The following SLC7A11 variants were observed in gnomAD, a reference collection of about 807,000 sequenced individuals.
SLC7A11 encodes cystine/glutamate transporter.
SLC7A11 carries 35 observed loss-of-function variants against 54.5 expected under a neutral mutation model. The ratio of observed to expected loss-of-function variants is 0.64; its 90% confidence interval spans 0.49 to 0.85. The LOEUF is 0.85. Among genes scored for constraint, SLC7A11 ranks in the 40% least tolerant of loss-of-function variants. The pLI, the probability that SLC7A11 is intolerant of heterozygous loss-of-function variation, is 0.00. For missense variants in SLC7A11, 583 were observed against 618.1 expected (o/e 0.94, Z 0.60); for synonymous variants, 230 against 225.2 (o/e 1.02, Z -0.19).
In SLC7A11 at chr4:138,179,980, A is replaced by G. The variant is rs77805880; in HGVS notation, c.1267-586T>C. Among the ~76,000 whole-genome samples the G allele has an allele frequency of 3.5e-3, 540 of 152,268 alleles. 1 individual carries two copies. The highest frequency in any genetic ancestry group is 0.012 in the African/African-American group (511 of 41,556). On this transcript the variant is annotated intron_variant, in intron 10 of 11. Transcript: ENST00000280612. ...CATGACTGACAACCTTATCTATGCC[A>G]TTTCTTAAAAACAAATAAATCGTGA...
intron 2 of SLC7A11, among the ~76,000 whole-genome samples, chr4:138,232,789 G>A (rs890370829): frequency 2.4e-4 from 37 of 152,138 alleles, no homozygotes; most frequent in African/African-American, 8.7e-4. Context: ...AATGTGTCAG[G>A]GCATAGTCAA....
intron 5 of SLC7A11, among the ~76,000 whole-genome samples, chr4:138,218,149 G>A (rs1235543514): frequency 6.6e-6 from 1 of 151,986 alleles, no homozygotes; most frequent in Non-Finnish European, 1.5e-5. Flanking sequence ...TAGGGTAAAC[G>A]CTCCATTCAT....
intron 1 of SLC7A11, among the ~76,000 whole-genome samples, chr4:138,237,147 G>A (rs562353848): frequency 1.3e-5 from 2 of 151,452 alleles, no homozygotes; most frequent in Non-Finnish European, 2.9e-5. Flanking sequence ...CACCACGCCT[G>A]GCTAATTTTT....
At position 138,164,110 on chromosome 4, in the gene SLC7A11, C is replaced by T. The variant is rs1440948133; in HGVS notation, c.*7846G>A. The T allele has an allele frequency of 6.6e-6, 1 of 152,442 alleles. No individual in the cohort carries two copies. Among genetic ancestry groups the T allele is most frequent in the Admixed American group, 6.6e-5 (1 of 15,228 alleles). The allele number at this position is 152,442 out of a possible 1,614,324, so 9.4% of individuals were successfully genotyped here. A position where few individuals can be genotyped will look rare whatever the true frequency, so the allele number is the denominator to read the frequency against. The stretch of plus-strand genomic sequence containing the variant: ...TGACGACATTTATTATGTAAACTAT[C>T]AAATGTTTATTTAAATTTCCATTTA... On this transcript the variant is annotated 3_prime_UTR_variant, in exon 12 of 12. Transcript: ENST00000280612.
At chr4:138,215,476 T>G (rs1184910839) in intron 5 of SLC7A11, among the ~76,000 whole-genome samples, 1 of 152,068 alleles carries the variant, frequency 6.6e-6, no homozygotes, top group Non-Finnish European at 1.5e-5. Flanking sequence ...AATTCACAAG[T>G]AGTCAGTTGA....
chr4:138,174,155 A>C (rs1434824366), intron 11 of SLC7A11, among the ~76,000 whole-genome samples: 1 of 152,130 alleles, frequency 6.6e-6, no homozygotes, highest in Admixed American at 6.5e-5. Flanking sequence ...CCAACATGAA[A>C]GCCTTTTCCA....
At position 138,241,818 on chromosome 4, in the gene SLC7A11, C is replaced by T. The variant is rs1203483765; in HGVS notation, c.252G>A (p.Thr84=). 1.1e-5 allele frequency: 17 copies of T among 1,613,858 alleles called. No individual in the cohort carries two copies. Among genetic ancestry groups the T allele is most frequent in the Non-Finnish European group, 1.4e-5 (17 of 1,179,912 alleles). Residue 84 remains threonine (T), a synonymous_variant, in exon 1 of 12, where the codon ACG becomes ACA. Transcript: ENST00000280612. ...CAAATAGTGACAGGACCCCACACACCGTCCAGATGGTCAGAGACATGCCCA... is the reference window on the plus strand; with the variant it reads ...CAAATAGTGACAGGACCCCACACACTGTCCAGATGGTCAGAGACATGCCCA... ...GSVGMSLTIW[T]VCGVLSLFGA...
chr4:138,192,405 G>A (rs1358111280), intron 6 of SLC7A11, among the ~76,000 whole-genome samples: 2 of 152,118 alleles, frequency 1.3e-5, no homozygotes, highest in Admixed American at 6.6e-5. Flanking sequence ...AAAGGAATAC[G>A]GGTCACAGAA....
Position 138,171,958 on chromosome 4 carries a change from A to G in SLC7A11, c.1504T>C (p.Ter502ArgextTer17). 2 of 1,595,704 alleles carry G rather than the reference A, an allele frequency of 1.3e-6. No homozygotes were observed. The highest frequency in any genetic ancestry group is 1.7e-6 in the Non-Finnish European group (2 of 1,174,132). ...GCCAAGATCTCAAGTCCATTAGTTC[A>G]TAACTTATCTTCTTCTGGTACAACT... ...LEVVPEEDKL[*>R] Residue 502 changes from the stop codon to arginine, a stop_lost, in exon 12 of 12, where the codon TGA (stop) becomes CGA (arginine). Transcript: ENST00000280612.
At chr4:138,235,564 T>TTC (rs1738189069) in intron 2 of SLC7A11, among the ~76,000 whole-genome samples, 1 of 152,206 alleles carries the variant, frequency 6.6e-6, no homozygotes, top group Non-Finnish European at 1.5e-5. Flanking sequence ...GTAATATCCA[T>TTC]TAAATTCTGT....
At position 138,172,104 on chromosome 4, in the gene SLC7A11, A is replaced by G. The variant is rs961119014; in HGVS notation, c.1445-87T>C. 30 of 1,330,314 alleles carry G rather than the reference A, an allele frequency of 2.3e-5. No homozygotes were observed. The East Asian group carries it at 5.2e-4, about 23-fold the overall frequency. 82.4% of individuals were successfully genotyped at this position (1,330,314 alleles called of 1,614,324 possible). A position where few individuals can be genotyped will look rare whatever the true frequency, so the allele number is the denominator to read the frequency against. The stretch of plus-strand genomic sequence containing the variant: ...AAATATGAATTATTTTGGGTTGAAT[A>G]CCAAAAACACACAACTGTCTACTTC... On this transcript the variant is annotated intron_variant, in intron 11 of 11. Coordinates refer to ENST00000280612, the MANE Select transcript of SLC7A11 (RefSeq NM_014331.4).
At chr4:138,186,254 T>A (rs1337463690) in intron 6 of SLC7A11, among the ~76,000 whole-genome samples, 1 of 152,164 alleles carries the variant, frequency 6.6e-6, no homozygotes, top group African/African-American at 2.4e-5. Context: ...TCAGCCATAG[T>A]GCTTATCAGC....
At chr4:138,185,559 G>A (rs1421234092) in intron 6 of SLC7A11, among the ~76,000 whole-genome samples, 2 of 152,214 alleles carry the variant, frequency 1.3e-5, no homozygotes, top group Middle Eastern at 6.8e-3. Flanking sequence ...AGAATCACCT[G>A]CAGGGCTTGT....
chr4:138,192,614 A>T (rs1409984362), intron 6 of SLC7A11, among the ~76,000 whole-genome samples: 1 of 152,124 alleles, frequency 6.6e-6, no homozygotes, highest in Non-Finnish European at 1.5e-5. Flanking sequence ...TAGTCTATAC[A>T]AGACTTAAAG....
At chr4:138,210,364 C>A (rs1042695054) in intron 6 of SLC7A11, among the ~76,000 whole-genome samples, 1 of 151,928 alleles carries the variant, frequency 6.6e-6, no homozygotes, top group Non-Finnish European at 1.5e-5. Context: ...TTCTCAGAAG[C>A]AATTGCAACA....
chr4:138,172,544 C>T (rs575719161), intron 11 of SLC7A11, among the ~76,000 whole-genome samples: 48 of 152,236 alleles, frequency 3.2e-4, no homozygotes, highest in Non-Finnish European at 5.7e-4. Context: ...AGTGCGGTCC[C>T]TGGACCAACA....
At chr4:138,178,203 A>G (rs1310679256) in intron 11 of SLC7A11, 3 of 151,438 alleles carry the variant, frequency 2.0e-5, no homozygotes, top group Non-Finnish European at 2.9e-5. Flanking sequence ...TCATTGTTCT[A>G]CTCCCACTCA....
rs1469180492 is a variant in SLC7A11 at position 138,169,450 on chromosome 4, G to T, written c.*2506C>A. On this transcript the variant is annotated 3_prime_UTR_variant, in exon 12 of 12. Coordinates refer to ENST00000280612, the MANE Select transcript of SLC7A11 (RefSeq NM_014331.4). ...TTCTGCGTGAAATGGCATTACAATG[G>T]CAGGGAAATTTAATAATGCAAAAAT... 1 of 151,890 alleles carries T rather than the reference G, an allele frequency of 6.6e-6. No homozygotes were observed. The highest frequency in any genetic ancestry group is 6.6e-5 in the Admixed American group (1 of 15,250). The allele number at this position is 151,890 out of a possible 1,614,324, so 9.4% of individuals were successfully genotyped here.
intron 11 of SLC7A11, among the ~76,000 whole-genome samples, chr4:138,175,457 C>T (rs1331935251): frequency 6.6e-6 from 1 of 152,126 alleles, no homozygotes; most frequent in Non-Finnish European, 1.5e-5. Flanking sequence ...CCCAGGTTTG[C>T]CAGGTCTTGC....
Sources: gnomAD v4.1 joint callset for allele counts (sites outside exome capture counted in the v4.1 genomes callset) on GRCh38, gnomAD v4.1.1 for gene constraint, MANE v1.5 for transcripts, NCBI Gene and HGNC (gene_info 2026-07-23, HGNC 2026-07-21) for gene names.